Variants in UBE2T observed in about 807,000 individuals in gnomAD.
The protein encoded by UBE2T is ubiquitin-conjugating enzyme E2 T.
UBE2T carries 15 observed loss-of-function variants against 23.3 expected under a neutral mutation model. The observed-to-expected ratio is 0.64, with a 90% CI of 0.43 to 0.99. UBE2T has a LOEUF of 0.99. Ranked by LOEUF, UBE2T falls within the 50% of genes least tolerant of loss-of-function variation. The pLI, the probability that UBE2T is intolerant of heterozygous loss-of-function variation, is 0.00. For missense variants in UBE2T, 197 were observed against 234.9 expected (o/e 0.84, Z 1.05); for synonymous variants, 67 against 78.4 (o/e 0.85, Z 0.77).
intron 1 of UBE2T, among the ~76,000 whole-genome samples, chr1:202,341,576 T>A (rs1236336802): frequency 7.4e-5 from 1 of 13,600 alleles, no homozygotes. Context: ...AGACTCCGTC[T>A]CAAAAAAAAA....
rs771422234 is a variant in UBE2T at position 202,335,632 on chromosome 1, G to T, written c.109+14C>A. On this transcript the variant is annotated intron_variant, in intron 2 of 6. Coordinates refer to ENST00000646651, the MANE Select transcript of UBE2T (RefSeq NM_014176.4). The surrounding 1 kb of genome is among the most constrained non-coding windows in gnomAD (Gnocchi z 4.0). ...GGGTCATGACTTTCATCATATACAT[G>T]ATTTGATACCTACGAGCTCGCAGGT... 3 of 1,606,290 alleles carry T rather than the reference G, an allele frequency of 1.9e-6. No homozygotes were observed. In the African/African-American group the frequency reaches 4.0e-5, roughly 21 times the overall value.
At chr1:202,336,342 C>T (rs1045985176) in intron 1 of UBE2T, among the ~76,000 whole-genome samples, 2 of 151,760 alleles carry the variant, frequency 1.3e-5, no homozygotes, top group Admixed American at 1.3e-4. Flanking sequence ...CCATCTCAGC[C>T]GCCTATGTAG....
rs1462683457 is a variant in UBE2T at position 202,335,557 on chromosome 1, T to C, written c.109+89A>G. On this transcript the variant is annotated intron_variant, in intron 2 of 6. Transcript: ENST00000646651. This position sits in a 1 kb window ranked among gnomAD's most constrained non-coding sequence, Gnocchi z 4.0. ...GGCACTCTGACCTTATAACTGCTCCTTACTTTAGAAGAATACACAAAATGT... is the reference window on the plus strand; with the variant it reads ...GGCACTCTGACCTTATAACTGCTCCCTACTTTAGAAGAATACACAAAATGT... 7.5e-7 allele frequency: 1 copy of C among 1,328,358 alleles called. No homozygotes were observed. Among genetic ancestry groups the C allele is most frequent in the Non-Finnish European group, 1.1e-6 (1 of 938,338 alleles). 82.3% of individuals were successfully genotyped at this position (1,328,358 alleles called of 1,614,324 possible). A position where few individuals can be genotyped will look rare whatever the true frequency, so the allele number is the denominator to read the frequency against.
intron 1 of UBE2T, among the ~76,000 whole-genome samples, chr1:202,337,710 T>C (rs1178488293): frequency 1.3e-5 from 2 of 152,196 alleles, no homozygotes; most frequent in Admixed American, 1.3e-4. Flanking sequence ...TTACTATAGC[T>C]TATTCATTTT....
chr1:202,337,101 C>A (rs1254260099), intron 1 of UBE2T, among the ~76,000 whole-genome samples: 1 of 152,164 alleles, frequency 6.6e-6, no homozygotes, highest in Non-Finnish European at 1.5e-5. Flanking sequence ...CGCCACCACG[C>A]CCGGCTACTT....
intron 1 of UBE2T, among the ~76,000 whole-genome samples, chr1:202,336,776 C>A (rs994506611): frequency 6.6e-6 from 1 of 152,288 alleles, no homozygotes; most frequent in African/African-American, 2.4e-5. Context: ...ATGGATTCCA[C>A]CTTCTCCCAA....
intron 1 of UBE2T, among the ~76,000 whole-genome samples, chr1:202,341,577 CAAAAAAAAAAAAAAA>C (rs57598991): frequency 1.5e-4 from 3 of 20,302 alleles, no homozygotes; most frequent in African/African-American, 2.6e-4. Context: ...GACTCCGTCT[CAAAAAAAAAAAAAAA>C]AAAAAAAAAA....
At chr1:202,333,211 T>C (rs1208406490) in intron 5 of UBE2T, 26 bp downstream of exon 5, 3 of 1,613,382 alleles carry the variant, frequency 1.9e-6, no homozygotes, top group East Asian at 2.2e-5. Context: ...AGGATATGTG[T>C]TGCAGAGGAA....
In UBE2T at chr1:202,335,620, C is replaced by G; in HGVS notation, c.109+26G>C. The G allele has an allele frequency of 2.5e-6, 4 of 1,592,350 alleles. No individual in the cohort carries two copies. The highest frequency in any genetic ancestry group is 3.4e-6 in the Non-Finnish European group (4 of 1,161,038). On this transcript the variant is annotated intron_variant, in intron 2 of 6. Coordinates refer to ENST00000646651, the MANE Select transcript of UBE2T (RefSeq NM_014176.4). This position sits in a 1 kb window ranked among gnomAD's most constrained non-coding sequence, Gnocchi z 4.0. Reference sequence around the variant, plus strand: ...CAATCTTCAATAGGGTCATGACTTTCATCATATACATGATTTGATACCTAC... The same window carrying G: ...CAATCTTCAATAGGGTCATGACTTTGATCATATACATGATTTGATACCTAC...
In UBE2T at chr1:202,333,465, G is replaced by C. The variant is rs1654813162; in HGVS notation, c.270C>G (p.Leu90=). 1 of 1,614,070 alleles carries C rather than the reference G, an allele frequency of 6.2e-7. No homozygotes were observed. Among genetic ancestry groups the C allele is most frequent in the Non-Finnish European group, 8.5e-7 (1 of 1,180,044 alleles). ...DSAGRICLDV[L]KLPPKGAWRP... The stretch of plus-strand genomic sequence containing the variant: ...CACAACTCACTTTTGGTGGCAATTT[G>C]AGAACATCCAGACAAATCCTTCCAG... The change falls in exon 4 of 7, where the codon CTC becomes CTG. Residue 90 remains leucine (L), a synonymous_variant. Transcript: ENST00000646651.
At chr1:202,332,035 A>AT in intron 6 of UBE2T, 75 bp from the exon 7 acceptor site, 2 of 1,554,328 alleles carry the variant, frequency 1.3e-6, no homozygotes, top group South Asian at 2.4e-5. Flanking sequence ...GCTCTGTAAT[A>AT]TTATTTCCAT....
chr1:202,338,661 C>CT (rs1287686774), intron 1 of UBE2T, among the ~76,000 whole-genome samples: 1 of 152,106 alleles, frequency 6.6e-6, no homozygotes, highest in Non-Finnish European at 1.5e-5. Flanking sequence ...CCTTCTAATT[C>CT]TTTTCCTGCC....
chr1:202,331,787 T>C lies in UBE2T; in HGVS notation c.*48A>G, dbSNP rs187495057. On this transcript the variant is annotated 3_prime_UTR_variant, in exon 7 of 7. Transcript: ENST00000646651. ...AAAAATTCAAGGTAGGCAACTTAGA[T>C]CACCTTGGCAAAGAACACATTAACT... The C allele has an allele frequency of 8.7e-5, 139 of 1,601,268 alleles. No homozygotes were observed. The African/African-American group carries it at 1.8e-3, about 20-fold the overall frequency.
intron 1 of UBE2T, among the ~76,000 whole-genome samples, chr1:202,339,611 A>C (rs1017566907): frequency 1.3e-4 from 19 of 151,842 alleles, no homozygotes; most frequent in African/African-American, 3.1e-4. Flanking sequence ...AAAAAAAAAA[A>C]AAAAAAAAAA....
In UBE2T at chr1:202,335,164, G is replaced by C. The variant is rs1654854112; in HGVS notation, c.110-106C>G. 2.3e-6 allele frequency: 2 copies of C among 874,030 alleles called. No homozygotes were observed. The highest frequency in any genetic ancestry group is 3.5e-6 in the Non-Finnish European group (2 of 568,628). The allele number at this position is 874,030 out of a possible 1,614,324, so 54.1% of individuals were successfully genotyped here. On this transcript the variant is annotated intron_variant, in intron 2 of 6. Transcript: ENST00000646651. The surrounding 1 kb of genome is among the most constrained non-coding windows in gnomAD (Gnocchi z 4.0). ...GGTCCTAATAGAGAAACTAGGCCTA[G>C]GACAATAATTCTCTGCCAGGACTTT... is the stretch of plus-strand genomic sequence containing the variant.
chr1:202,331,762 A>C lies in UBE2T; in HGVS notation c.*73T>G. On this transcript the variant is annotated 3_prime_UTR_variant, in exon 7 of 7. Coordinates refer to ENST00000646651, the MANE Select transcript of UBE2T (RefSeq NM_014176.4). ...ATTATGTCATCAAATATATTTAAAAAAAAATTCAAGGTAGGCAACTTAGAT... is the reference window on the plus strand; with the variant it reads ...ATTATGTCATCAAATATATTTAAAACAAAATTCAAGGTAGGCAACTTAGAT... 6.4e-7 allele frequency: 1 copy of C among 1,568,312 alleles called. No individual in the cohort carries two copies. The highest frequency in any genetic ancestry group is 8.6e-7 in the Non-Finnish European group (1 of 1,156,460).
At chr1:202,340,026 A>G (rs1654966359) in intron 1 of UBE2T, among the ~76,000 whole-genome samples, 1 of 152,004 alleles carries the variant, frequency 6.6e-6, no homozygotes, top group Non-Finnish European at 1.5e-5. Flanking sequence ...CCTGGCCAAC[A>G]TGGGGAAATC....
chr1:202,333,313 T>C lies in UBE2T; in HGVS notation c.308A>G (p.Asn103Ser), dbSNP rs781446718. The change falls in exon 5 of 7, where the codon AAC becomes AGC. Residue 103 changes from asparagine (N) to serine (S), a missense_variant. By Grantham distance (46) the Asn-to-Ser change is conservative (BLOSUM62 1). Transcript: ENST00000646651. ...AATAGAGGTCAACACAGTTGCGATGTTGAGGGATGGTCTCCAAGCACCCTA... is the reference window on the plus strand; with the variant it reads ...AATAGAGGTCAACACAGTTGCGATGCTGAGGGATGGTCTCCAAGCACCCTA... ...PPKGAWRPSL[N>S]IATVLTSIQL... 6 of 1,614,190 alleles carry C rather than the reference T, an allele frequency of 3.7e-6. No homozygotes were observed. The highest frequency in any genetic ancestry group is 3.3e-5 in the South Asian group (3 of 91,088).
At chr1:202,338,212 C>T (rs1007703042) in intron 1 of UBE2T, among the ~76,000 whole-genome samples, 3 of 151,954 alleles carry the variant, frequency 2.0e-5, no homozygotes, top group Admixed American at 1.3e-4. Flanking sequence ...ACATGTAAAT[C>T]TAATTGATTT....
Sources: allele counts gnomAD v4.1 joint callset (sites outside exome capture counted in the v4.1 genomes callset), GRCh38; gene constraint gnomAD v4.1.1; non-coding constraint Gnocchi (gnomAD v3.1); transcripts MANE v1.5; gene names NCBI Gene and HGNC (gene_info 2026-07-23, HGNC 2026-07-21).